SLC22A8: variants seen among roughly 807,000 people sequenced by gnomAD.
SLC22A8 encodes the protein organic anion transporter 3.
SLC22A8 carries 40 observed loss-of-function variants against 48.4 expected under a neutral mutation model. The ratio of observed to expected loss-of-function variants is 0.83; its 90% CI spans 0.64 to 1.08. The LOEUF (loss-of-function observed/expected upper bound fraction) is 1.08. SLC22A8 is among the 50% of genes least tolerant of loss of function. The pLI, the probability that SLC22A8 is intolerant of heterozygous loss-of-function variation, is 0.00. For synonymous variants in SLC22A8, 268 were observed against 286.3 expected (o/e 0.94, Z 0.65); for missense variants, 606 against 699.0 (o/e 0.87, Z 1.50).
chr11:62,997,386 G>A (rs1231173817), intron 5 of SLC22A8, among the ~76,000 whole-genome samples: 2 of 151,946 alleles, frequency 1.3e-5, no homozygotes, highest in African/African-American at 4.8e-5. Flanking sequence ...CACCACACCC[G>A]GCTAATTTTT....
At position 62,999,698 on chromosome 11, in the gene SLC22A8, G is replaced by A. The variant is rs766997773; in HGVS notation, c.582C>T (p.Thr194=). 5.1e-6 allele frequency: 8 copies of A among 1,572,496 alleles called. No homozygotes were observed. The highest frequency in any genetic ancestry group is 4.7e-5 in the South Asian group (4 of 84,928). ...GFGISGITLS[T]VILNVEWVPT... ...CCCACTGCAGCTCACTCAAGATGACGGTGCTCAGGGTAATGCCTGAGATGC... is the reference window on the plus strand; with the variant it reads ...CCCACTGCAGCTCACTCAAGATGACAGTGCTCAGGGTAATGCCTGAGATGC... The change falls in exon 4 of 11, where the codon ACC becomes ACT. Residue 194 remains threonine (T), a synonymous_variant. Coordinates refer to ENST00000336232, the MANE Select transcript of SLC22A8 (RefSeq NM_004254.4).
intron 2 of SLC22A8, among the ~76,000 whole-genome samples, chr11:63,013,083 A>G (rs2086637179): frequency 6.6e-6 from 1 of 152,156 alleles, no homozygotes; most frequent in Non-Finnish European, 1.5e-5. Context: ...CCCATCTGAG[A>G]GAGAGAATTA....
At chr11:62,995,864 T>G in intron 6 of SLC22A8, 45 bp from the exon 7 acceptor site, 1 of 1,533,476 alleles carries the variant, frequency 6.5e-7, no homozygotes, top group Non-Finnish European at 9.0e-7. Context: ...GACCAGCTAG[T>G]GGGCAGGACG....
intron 2 of SLC22A8, among the ~76,000 whole-genome samples, chr11:63,004,013 A>G (rs1425774442): frequency 6.6e-6 from 1 of 152,246 alleles, no homozygotes; most frequent in Non-Finnish European, 1.5e-5. Flanking sequence ...GCAAATGGAA[A>G]TTAGATTTTT....
chr11:63,014,823 CA>C lies in SLC22A8; in HGVS notation c.135del (p.Val46SerfsTer64). ...TTGTGGGGCGGGCGACAGTGGTGGACAGGGGTGGCGGCTGTGAAGATCTGCA... is the reference window on the plus strand; with the variant it reads ...TTGTGGGGCGGGCGACAGTGGTGGACGGGGTGGCGGCTGTGAAGATCTGCA... ...NLLQIFTAAT[P>X]VHHCRPPHNA... On this transcript the variant is annotated frameshift_variant, in exon 2 of 11. Coordinates refer to ENST00000336232, the MANE Select transcript of SLC22A8 (RefSeq NM_004254.4). LOFTEE classifies it high-confidence loss of function. 1.9e-6 allele frequency: 3 copies of C among 1,612,506 alleles called. No individual in the cohort carries two copies. Among genetic ancestry groups the C allele is most frequent in the Non-Finnish European group, 2.5e-6 (3 of 1,178,770 alleles).
At chr11:62,999,489 G>A (rs1050610571) in intron 4 of SLC22A8, 199 bp downstream of exon 4, 2 of 482,408 alleles carry the variant, frequency 4.1e-6, no homozygotes, top group Non-Finnish European at 7.4e-6. Context: ...TCCAGGGTAA[G>A]TCCTCAGTAT....
intron 2 of SLC22A8, among the ~76,000 whole-genome samples, chr11:63,003,400 C>T (rs555241784): frequency 6.6e-6 from 1 of 152,226 alleles, no homozygotes; most frequent in South Asian, 2.1e-4. Flanking sequence ...CCAGCATGGC[C>T]AGCAAGCCTG....
intron 2 of SLC22A8, among the ~76,000 whole-genome samples, chr11:63,010,138 G>C (rs1305784876): frequency 6.6e-6 from 1 of 152,184 alleles, no homozygotes; most frequent in Non-Finnish European, 1.5e-5. Context: ...TGTGTGCCAG[G>C]CCCTGGGCTC....
intron 2 of SLC22A8, among the ~76,000 whole-genome samples, chr11:63,006,526 A>C (rs555117453): frequency 1.3e-5 from 2 of 149,176 alleles, no homozygotes; most frequent in South Asian, 4.2e-4. Flanking sequence ...TGGCATTCTA[A>C]CTGCTTATTC....
chr11:63,000,975 C>A, intron 2 of SLC22A8, 152 bp from the exon 3 acceptor site: 1 of 627,282 alleles, frequency 1.6e-6, no homozygotes, highest in Non-Finnish European at 2.9e-6. Flanking sequence ...CAGCCCGGCT[C>A]GGAGCTCCTT....
intron 8 of SLC22A8, chr11:62,994,238 C>T (rs954535099): frequency 2.1e-5 from 11 of 523,836 alleles, no homozygotes; most frequent in Non-Finnish European, 2.7e-5. Flanking sequence ...TGAGCTCTGT[C>T]GTTTTACCAT....
At chr11:63,006,133 G>A (rs2086551555) in intron 2 of SLC22A8, among the ~76,000 whole-genome samples, 1 of 151,626 alleles carries the variant, frequency 6.6e-6, no homozygotes, top group Admixed American at 6.6e-5. Flanking sequence ...AGAAAACTTA[G>A]GCTAGATGTC....
At chr11:62,997,838 G>T (rs553975007) in intron 5 of SLC22A8, among the ~76,000 whole-genome samples, 1 of 152,326 alleles carries the variant, frequency 6.6e-6, no homozygotes, top group African/African-American at 2.4e-5. Context: ...GATCAGAGAC[G>T]ACGTAGGTTG....
rs990012166 is a variant in SLC22A8 at position 62,992,966 on chromosome 11, C to T, written c.*271G>A. On this transcript the variant is annotated 3_prime_UTR_variant, in exon 11 of 11. Coordinates refer to ENST00000336232, the MANE Select transcript of SLC22A8 (RefSeq NM_004254.4). ...TCAGGGGACCTCAGGGGAAGAGGAC[C>T]GGGACAGTGGGGGAAGGTGGCCAGT... is the stretch of plus-strand genomic sequence containing the variant. The T allele has an allele frequency of 5.0e-5, 25 of 501,362 alleles. No homozygotes were observed. Among genetic ancestry groups the T allele is most frequent in the African/African-American group, 1.3e-4 (7 of 52,186 alleles). 31.1% of individuals were successfully genotyped at this position (501,362 alleles called of 1,614,324 possible).
chr11:63,008,760 T>C (rs1176013411), intron 2 of SLC22A8, among the ~76,000 whole-genome samples: 1 of 152,166 alleles, frequency 6.6e-6, no homozygotes, highest in African/African-American at 2.4e-5. Flanking sequence ...ATGGATTCTG[T>C]AGTCAGGACC....
intron 2 of SLC22A8, 171 bp from the exon 3 acceptor site, chr11:63,000,994 C>T: frequency 1.7e-6 from 1 of 596,718 alleles, no homozygotes; most frequent in Non-Finnish European, 3.0e-6. Flanking sequence ...TTGGGTTTGT[C>T]TGTGGCTCTT....
intron 2 of SLC22A8, among the ~76,000 whole-genome samples, chr11:63,010,765 C>T (rs904707949): frequency 5.3e-5 from 8 of 152,294 alleles, no homozygotes; most frequent in Non-Finnish European, 8.8e-5. Flanking sequence ...GCGGTTCACA[C>T]TATCTCAGCT....
At chr11:63,011,695 G>C (rs961490252) in intron 2 of SLC22A8, among the ~76,000 whole-genome samples, 1 of 152,142 alleles carries the variant, frequency 6.6e-6, no homozygotes, top group Admixed American at 6.5e-5. Context: ...TGTGCAGCTT[G>C]CTAACGGGTC....
intron 2 of SLC22A8, among the ~76,000 whole-genome samples, chr11:63,004,459 C>G (rs749820142): frequency 1.2e-4 from 19 of 152,188 alleles, no homozygotes; most frequent in Non-Finnish European, 2.5e-4. Flanking sequence ...GCTCCTACCT[C>G]AGAGTCTTGG....
Sources: allele counts gnomAD v4.1 joint callset (sites outside exome capture counted in the v4.1 genomes callset), GRCh38; gene constraint gnomAD v4.1.1; transcripts MANE v1.5; gene names NCBI Gene and HGNC (gene_info 2026-07-23, HGNC 2026-07-21).